The following RNLS variants were observed in gnomAD, a reference collection of about 807,000 sequenced individuals.
RNLS encodes renalase, FAD dependent amine oxidase.
RNLS carries 39 observed loss-of-function variants against 39.8 expected under a neutral mutation model. The observed-to-expected ratio is 0.98, with a 90% CI of 0.76 to 1.28. The LOEUF is 1.28. RNLS is among the 50% of genes most tolerant of loss of function. The pLI, the probability that RNLS is intolerant of heterozygous loss-of-function variation, is 0.00. For synonymous variants in RNLS, 147 were observed against 150.7 expected (o/e 0.98, Z 0.18); for missense variants, 410 against 413.3 (o/e 0.99, Z 0.07).
chr10:88,495,983 G>C lies in RNLS; in HGVS notation c.526+76920C>G, dbSNP rs569043584. ...AGGCAGCTTTAAAAAGTCGTGGTTG[G>C]GGATGCAGAAGACAAAAAGGGAAAT... On this transcript the variant is annotated intron_variant, in intron 4 of 6. Transcript: ENST00000331772. Among the ~76,000 whole-genome samples, 35 of 152,220 alleles carry C rather than the reference G, an allele frequency of 2.3e-4. 1 individual carries two copies. In the South Asian group the frequency reaches 5.4e-3, roughly 23 times the overall value.
chr10:88,193,959 A>C, the RNLS span, among the ~76,000 whole-genome samples: 1 of 151,792 alleles, frequency 6.6e-6, no homozygotes, highest in African/African-American at 2.4e-5. Context: ...GGTCATCACT[A>C]CTCCTCTTGG....
At chr10:88,410,163 G>A (rs534676716) in intron 4 of RNLS, among the ~76,000 whole-genome samples, 2 of 152,154 alleles carry the variant, frequency 1.3e-5, no homozygotes, top group South Asian at 4.1e-4. Context: ...TATAGGAAAC[G>A]TTCTATGCCA....
intron 5 of RNLS, among the ~76,000 whole-genome samples, chr10:88,351,546 G>A (rs750600018): frequency 6.6e-6 from 1 of 152,158 alleles, no homozygotes; most frequent in Non-Finnish European, 1.5e-5. Flanking sequence ...TTGTAGATGT[G>A]TGGTATTATT....
At chr10:88,278,587 CT>C (rs978760832) in intron 6 of RNLS, among the ~76,000 whole-genome samples, 11 of 152,126 alleles carry the variant, frequency 7.2e-5, no homozygotes, top group Non-Finnish European at 1.5e-4. Context: ...TTCCCCTCCC[CT>C]CTCCCACGCT....
chr10:88,284,929 A>G lies in RNLS; in HGVS notation c.*425T>C. On this transcript the variant is annotated 3_prime_UTR_variant, in exon 7 of 7. Coordinates refer to ENST00000331772, the MANE Select transcript of RNLS (RefSeq NM_001031709.3). ...CTTGTTTTGTATAATTTGCAAAAAT[A>G]TTGATTCAAGGACACATCCGAAGAC... is the stretch of plus-strand genomic sequence containing the variant. 2 of 986,046 alleles carry G rather than the reference A, an allele frequency of 2.0e-6. No individual in the cohort carries two copies. The highest frequency in any genetic ancestry group is 2.4e-6 in the Non-Finnish European group (2 of 830,350). The allele number at this position is 986,046 out of a possible 1,614,324, so 61.1% of individuals were successfully genotyped here. A position where few individuals can be genotyped will look rare whatever the true frequency, so the allele number is the denominator to read the frequency against.
chr10:88,335,733 A>G (rs962185358), intron 5 of RNLS, among the ~76,000 whole-genome samples: 22 of 152,326 alleles, frequency 1.4e-4, no homozygotes, highest in African/African-American at 5.1e-4. Context: ...TTGGAAGTAT[A>G]AGAGAGGTTG....
chr10:88,332,917 C>G (rs1847215299), intron 5 of RNLS, among the ~76,000 whole-genome samples: 1 of 152,088 alleles, frequency 6.6e-6, no homozygotes. Flanking sequence ...CCCTAAGAAA[C>G]AAGATATGAT....
At chr10:88,263,162 G>A in the RNLS span, among the ~76,000 whole-genome samples, 18 of 152,180 alleles carry the variant, frequency 1.2e-4, no homozygotes, top group South Asian at 6.2e-4. Flanking sequence ...TGTTGAAAGA[G>A]AGGTAAACCC....
intron 4 of RNLS, among the ~76,000 whole-genome samples, chr10:88,436,783 T>C (rs1841438305): frequency 6.6e-6 from 1 of 152,286 alleles, no homozygotes; most frequent in East Asian, 1.9e-4. Flanking sequence ...GCAGGAAAGC[T>C]TGGGACCCAT....
intron 5 of RNLS, among the ~76,000 whole-genome samples, chr10:88,328,969 T>G (rs1846861931): frequency 6.6e-6 from 1 of 152,158 alleles, no homozygotes; most frequent in African/African-American, 2.4e-5. Flanking sequence ...AAATATAATT[T>G]TTCTTGGTAT....
chr10:88,240,683 C>G, the RNLS span, among the ~76,000 whole-genome samples: 1 of 152,096 alleles, frequency 6.6e-6, no homozygotes, highest in East Asian at 1.9e-4. Context: ...CCGCCCTCTC[C>G]TCTGTCTCTG....
At chr10:88,427,335 G>A (rs976784609) in intron 4 of RNLS, among the ~76,000 whole-genome samples, 1 of 151,958 alleles carries the variant, frequency 6.6e-6, no homozygotes. Flanking sequence ...TCTTTGACAG[G>A]GTGGCTGGCT....
In RNLS at chr10:88,332,209, C is replaced by T. The variant is rs551650008; in HGVS notation, c.701-17568G>A. 1.3e-4 allele frequency among the ~76,000 whole-genome samples: 20 copies of T among 152,384 alleles called. No homozygotes were observed. The South Asian group carries it at 3.9e-3, about 30-fold the overall frequency. ...CAGCCAAAATTCAGCTATGATAACA[C>T]TCCTCACCAAATATGTCCTGGGCAA... On this transcript the variant is annotated intron_variant, in intron 5 of 6. Coordinates refer to ENST00000331772, the MANE Select transcript of RNLS (RefSeq NM_001031709.3).
the RNLS span, among the ~76,000 whole-genome samples, chr10:88,230,748 C>T: frequency 1.3e-5 from 2 of 152,210 alleles, no homozygotes; most frequent in Admixed American, 6.5e-5. Context: ...TAATAGCCAA[C>T]ATTTATTGAG....
intron 4 of RNLS, among the ~76,000 whole-genome samples, chr10:88,400,782 T>G (rs1852864173): frequency 6.9e-6 from 1 of 144,778 alleles, no homozygotes; most frequent in Non-Finnish European, 1.5e-5. Flanking sequence ...TCTACTTATT[T>G]AGGACTTTTG....
chr10:88,444,366 A>C (rs531621405), intron 4 of RNLS, among the ~76,000 whole-genome samples: 29 of 151,922 alleles, frequency 1.9e-4, no homozygotes, highest in Middle Eastern at 3.4e-3. Context: ...CCACAAAGAT[A>C]GGGAAAAAAC....
the RNLS span, among the ~76,000 whole-genome samples, chr10:88,217,008 T>C: frequency 1.9e-3 from 287 of 152,218 alleles, 1 homozygote; most frequent in African/African-American, 6.5e-3. Flanking sequence ...GCTACAGTAA[T>C]TATGAGTGAG....
At chr10:88,363,104 C>T (rs961659411) in intron 4 of RNLS, among the ~76,000 whole-genome samples, 9 of 152,160 alleles carry the variant, frequency 5.9e-5, no homozygotes, top group Admixed American at 5.9e-4. Context: ...ATAAGCATTT[C>T]ACTCTATCAT....
intron 4 of RNLS, among the ~76,000 whole-genome samples, chr10:88,524,956 C>CACACACACACACACAT (rs768939981): frequency 2.6e-5 from 2 of 76,282 alleles, no homozygotes; most frequent in Non-Finnish European, 2.6e-5. Flanking sequence ...ATGGCACACA[C>CACACACACACACACAT]ATACATATAT....
Sources: allele counts gnomAD v4.1 joint callset (sites outside exome capture counted in the v4.1 genomes callset), GRCh38; gene constraint gnomAD v4.1.1; transcripts MANE v1.5; gene names NCBI Gene and HGNC (gene_info 2026-07-23, HGNC 2026-07-21).